The following MACROD2 variants were observed in gnomAD, a reference collection of about 807,000 sequenced individuals.
MACROD2 encodes ADP-ribose glycohydrolase MACROD2.
In MACROD2, 36 loss-of-function variants were observed where a neutral mutation model predicts 70.4. The observed-to-expected ratio is 0.51, with a 90% CI of 0.39 to 0.68. The LOEUF is 0.68. MACROD2 is among the 30% of genes least tolerant of loss of function. MACROD2 has a pLI of 0.00. For missense variants in MACROD2, 496 were observed against 538.4 expected, an observed-to-expected ratio of 0.92 and a Z score of 0.78; for synonymous variants, 172 against 178.8, an observed-to-expected ratio of 0.96 and a Z score of 0.30.
chr20:14,515,465 G>GCTCACA (rs1369248292), intron 4 of MACROD2, among the ~76,000 whole-genome samples: 2 of 127,172 alleles, frequency 1.6e-5, no homozygotes, highest in South Asian at 4.8e-4. Flanking sequence ...ACACACACAC[G>GCTCACA]CACACACACA....
chr20:14,505,527 G>A (rs430452), intron 4 of MACROD2, among the ~76,000 whole-genome samples: 124,770 of 152,162 alleles, frequency 0.82, 51,567 homozygotes, highest in East Asian at 1. Context: ...CTTTTCCCTT[G>A]AACAGGGAGA....
At chr20:15,120,887 T>A (rs1480531018) in intron 5 of MACROD2, among the ~76,000 whole-genome samples, 1 of 152,190 alleles carries the variant, frequency 6.6e-6, no homozygotes, top group African/African-American at 2.4e-5. Context: ...CAATGTTGAC[T>A]ACCCTCTCTT....
intron 8 of MACROD2, among the ~76,000 whole-genome samples, chr20:15,772,104 ATATAT>A (rs1568552430): frequency 7.7e-5 from 6 of 78,188 alleles, no homozygotes; most frequent in Admixed American, 1.7e-4. Flanking sequence ...AAAAAAAAAT[ATATAT>A]ATATATATAT....
chr20:15,747,962 T>C (rs1353148680), intron 8 of MACROD2, among the ~76,000 whole-genome samples: 1 of 152,114 alleles, frequency 6.6e-6, no homozygotes, highest in Non-Finnish European at 1.5e-5. Flanking sequence ...TTTTATAGGG[T>C]TTTGTCCTCT....
At chr20:14,751,098 T>C (rs890430082) in intron 5 of MACROD2, among the ~76,000 whole-genome samples, 11 of 152,156 alleles carry the variant, frequency 7.2e-5, no homozygotes, top group Middle Eastern at 3.2e-3. Flanking sequence ...TTTACTTGTT[T>C]CATACTGGTG....
intron 6 of MACROD2, among the ~76,000 whole-genome samples, chr20:15,318,781 T>C (rs6034154): frequency 0.14 from 21,254 of 151,860 alleles, 1,753 homozygotes; most frequent in African/African-American, 0.23. Context: ...ATGAGAAAAA[T>C]ACTCAAAAAC....
chr20:15,645,146 G>A (rs565360342), intron 8 of MACROD2, among the ~76,000 whole-genome samples: 1 of 152,156 alleles, frequency 6.6e-6, no homozygotes, highest in Non-Finnish European at 1.5e-5. Context: ...AGCTGAAGGG[G>A]AATGATGTCT....
chr20:15,411,149 TACAC>T (rs55750139), intron 6 of MACROD2, among the ~76,000 whole-genome samples: 1,664 of 144,282 alleles, frequency 0.012, 29 homozygotes, highest in African/African-American at 0.039. Context: ...GATATGTATT[TACAC>T]ACACACACAC....
At chr20:15,576,700 G>A (rs1318875583) in intron 8 of MACROD2, among the ~76,000 whole-genome samples, 2 of 152,124 alleles carry the variant, frequency 1.3e-5, no homozygotes, top group Admixed American at 1.3e-4. Context: ...AGCTGAATTA[G>A]GAGCAGCTGG....
chr20:14,462,816 G>T (rs2084388158), intron 3 of MACROD2, among the ~76,000 whole-genome samples: 3 of 152,004 alleles, frequency 2.0e-5, no homozygotes, highest in African/African-American at 7.3e-5. Flanking sequence ...TCTTGTTTTT[G>T]TTAGGTTTGT....
chr20:15,608,097 G>A (rs1172126779), intron 8 of MACROD2, among the ~76,000 whole-genome samples: 1 of 152,170 alleles, frequency 6.6e-6, no homozygotes, highest in East Asian at 1.9e-4. Flanking sequence ...TTCTCATACT[G>A]GTTACAGGGC....
chr20:15,326,596 A>G (rs1318025920), intron 6 of MACROD2, among the ~76,000 whole-genome samples: 4 of 152,132 alleles, frequency 2.6e-5, no homozygotes, highest in Non-Finnish European at 5.9e-5. Flanking sequence ...TGTCTTGGCT[A>G]TCACGCATCT....
At chr20:14,719,333 A>G (rs868606661) in intron 5 of MACROD2, among the ~76,000 whole-genome samples, 138 of 152,102 alleles carry the variant, frequency 9.1e-4, no homozygotes, top group African/African-American at 3.2e-3. Context: ...CACCTGTAAG[A>G]CTCATTTCAG....
At chr20:14,476,355 T>C (rs1158843504) in intron 3 of MACROD2, among the ~76,000 whole-genome samples, 1 of 152,130 alleles carries the variant, frequency 6.6e-6, no homozygotes, top group Non-Finnish European at 1.5e-5. Flanking sequence ...AACCTTCATT[T>C]ATTACCTTTT....
At chr20:14,967,837 A>G (rs533559845) in intron 5 of MACROD2, among the ~76,000 whole-genome samples, 1 of 152,242 alleles carries the variant, frequency 6.6e-6, no homozygotes, top group African/African-American at 2.4e-5. Flanking sequence ...TTTTAATAGT[A>G]ATTACTACTG....
rs201699969 is a variant in MACROD2, at chr20:15,594,021, ATC to A, written c.645+94176_645+94177del. ...TGGCCTGTGGTGACACAGGACACAT[ATC>A]TATCTGTGTGTTCTTCTGTGGTCAG... On this transcript the variant is annotated intron_variant, in intron 8 of 17. Transcript: ENST00000684519. 9.6e-3 allele frequency among the ~76,000 whole-genome samples: 1,455 copies of A among 152,238 alleles called. 25 individuals are homozygous for A. The highest frequency in any genetic ancestry group is 0.034 in the African/African-American group (1,392 of 41,530).
intron 12 of MACROD2, among the ~76,000 whole-genome samples, chr20:15,952,078 G>C (rs1486829570): frequency 6.6e-6 from 1 of 152,078 alleles, no homozygotes; most frequent in Non-Finnish European, 1.5e-5. Context: ...TATTATATGG[G>C]GGAGTTTCCC....
At chr20:15,496,290 A>G (rs763960447) in intron 7 of MACROD2, among the ~76,000 whole-genome samples, 4 of 152,264 alleles carry the variant, frequency 2.6e-5, no homozygotes, top group Non-Finnish European at 4.4e-5. Context: ...ATCAAGGTCC[A>G]GGGCACGATC....
chr20:15,362,950 G>A (rs1007753614), intron 6 of MACROD2, among the ~76,000 whole-genome samples: 1 of 151,456 alleles, frequency 6.6e-6, no homozygotes, highest in Non-Finnish European at 1.5e-5. Context: ...GGAAAGGGGA[G>A]GGGAGGGGAG....
Sources: allele counts gnomAD v4.1 joint callset (sites outside exome capture counted in the v4.1 genomes callset), GRCh38; gene constraint gnomAD v4.1.1; transcripts MANE v1.5; gene names NCBI Gene and HGNC (gene_info 2026-07-23, HGNC 2026-07-21).